Variants in KSR1 observed in about 807,000 individuals in gnomAD.
The protein encoded by KSR1 is kinase suppressor of ras 1, also known as kinase suppressor of ras.
Under a neutral mutation model 92.9 loss-of-function variants are expected in KSR1, and 35 were observed. The ratio of observed to expected loss-of-function variants is 0.38; its 90% confidence interval spans 0.29 to 0.50. The LOEUF (loss-of-function observed/expected upper bound fraction) is 0.50, where lower values mean the gene tolerates loss of function less well. Among genes scored for constraint, KSR1 ranks in the 20% least tolerant of loss-of-function variants. KSR1 has a pLI of 0.94. For missense variants in KSR1, 972 were observed against 1,158.5 expected (o/e 0.84, Z 2.34); for synonymous variants, 467 against 472.6 (o/e 0.99, Z 0.15).
intron 1 of KSR1, among the ~76,000 whole-genome samples, chr17:27,527,786 C>T (rs1047653863): frequency 5.9e-5 from 9 of 152,230 alleles, no homozygotes; most frequent in African/African-American, 7.2e-5. Context: ...TCCTGGTCAG[C>T]AGTATCTTTA....
chr17:27,596,739 C>G (rs1008186704), intron 9 of KSR1, among the ~76,000 whole-genome samples: 6 of 152,212 alleles, frequency 3.9e-5, no homozygotes, highest in African/African-American at 7.2e-5. Context: ...CATTGGTCTC[C>G]CTACTTCTGG....
chr17:27,541,989 C>T (rs1224650730), intron 1 of KSR1, among the ~76,000 whole-genome samples: 2 of 152,200 alleles, frequency 1.3e-5, no homozygotes, highest in African/African-American at 4.8e-5. Flanking sequence ...ATGTTGAATA[C>T]ACAGTACATC....
intron 1 of KSR1, among the ~76,000 whole-genome samples, chr17:27,528,041 T>C (rs766724471): frequency 2.0e-5 from 3 of 152,148 alleles, no homozygotes; most frequent in Non-Finnish European, 4.4e-5. Flanking sequence ...CGAGTAGGTA[T>C]TCTGTGTAAG....
At position 27,459,692 on chromosome 17, in the gene KSR1, C is replaced by G. The variant is rs1424272963; in HGVS notation, c.231+2818C>G. Among the ~76,000 whole-genome samples the G allele has an allele frequency of 2.0e-5, 3 of 152,212 alleles. No individual in the cohort carries two copies. The East Asian group carries it at 5.8e-4, about 29-fold the overall frequency. On this transcript the variant is annotated intron_variant, in intron 1 of 20. Transcript: ENST00000644974. This position sits in a 1 kb window ranked among gnomAD's most constrained non-coding sequence, Gnocchi z 4.6. ...CAACTGCATCGGACTTATCTAGAAT[C>G]TGAGGAGCCCCAGCTCACTCTGGCC...
intron 13 of KSR1, among the ~76,000 whole-genome samples, chr17:27,605,181 G>C (rs551864240): frequency 6.6e-6 from 1 of 152,240 alleles, no homozygotes; most frequent in African/African-American, 2.4e-5. Context: ...TCACAGGTAG[G>C]TATTGGAGTA....
intron 5 of KSR1, among the ~76,000 whole-genome samples, chr17:27,586,436 T>A (rs773219938): frequency 2.6e-5 from 4 of 152,206 alleles, no homozygotes; most frequent in Non-Finnish European, 5.9e-5. Context: ...GGGCGGGGTC[T>A]TGGGGATGAG....
chr17:27,558,392 A>G (rs2071691669), intron 2 of KSR1, among the ~76,000 whole-genome samples: 1 of 151,810 alleles, frequency 6.6e-6, no homozygotes, highest in Non-Finnish European at 1.5e-5. Flanking sequence ...ACAGTAGAGT[A>G]GTAAGAGATA....
chr17:27,526,096 C>CTT (rs745956787), intron 1 of KSR1, among the ~76,000 whole-genome samples: 1,648 of 112,514 alleles, frequency 0.015, 65 homozygotes, highest in African/African-American at 0.056. Flanking sequence ...TTCTTTCTTT[C>CTT]TCTCTCTCTC....
At chr17:27,504,408 A>G (rs2069301256) in intron 1 of KSR1, among the ~76,000 whole-genome samples, 1 of 151,988 alleles carries the variant, frequency 6.6e-6, no homozygotes, top group Non-Finnish European at 1.5e-5. Context: ...TTGTTGAGTG[A>G]GTTGGGATAT....
At position 27,624,308 on chromosome 17, in the gene KSR1, A is replaced by C. The variant is rs1490425620; in HGVS notation, c.*916A>C. On this transcript the variant is annotated 3_prime_UTR_variant, in exon 21 of 21. Coordinates refer to ENST00000644974, the MANE Select transcript of KSR1 (RefSeq NM_001394583.1). ...AAGTACCTGAGCCCACTTCCCAGCC[A>C]CAGGGTGACCCTGGCACTGTAAAAA... 6.6e-6 allele frequency: 1 copy of C among 152,324 alleles called. No individual in the cohort carries two copies. The highest frequency in any genetic ancestry group is 1.5e-5 in the Non-Finnish European group (1 of 68,134). 9.4% of individuals were successfully genotyped at this position (152,324 alleles called of 1,614,324 possible).
intron 9 of KSR1, among the ~76,000 whole-genome samples, chr17:27,595,468 A>G (rs1423491220): frequency 3.9e-5 from 6 of 152,254 alleles, no homozygotes; most frequent in Admixed American, 1.3e-4. Flanking sequence ...GGTTGAGGAA[A>G]TGGAAGCTCA....
At chr17:27,483,269 C>T (rs1234015280) in intron 1 of KSR1, among the ~76,000 whole-genome samples, 1 of 152,180 alleles carries the variant, frequency 6.6e-6, no homozygotes, top group Non-Finnish European at 1.5e-5. Context: ...CACGTTAGAG[C>T]CTATCAGCTC....
intron 1 of KSR1, among the ~76,000 whole-genome samples, chr17:27,515,932 A>G (rs1158153829): frequency 3.3e-5 from 5 of 152,110 alleles, no homozygotes; most frequent in Non-Finnish European, 7.4e-5. Flanking sequence ...GGAGTTTGAA[A>G]TCTTCTCCAG....
chr17:27,580,990 C>T (rs2151164076), intron 3 of KSR1, among the ~76,000 whole-genome samples: 1 of 152,216 alleles, frequency 6.6e-6, no homozygotes, highest in Admixed American at 6.5e-5. Flanking sequence ...TGGTCTCGAA[C>T]TCCTGACCTG....
chr17:27,524,817 C>T (rs377205813), intron 1 of KSR1, among the ~76,000 whole-genome samples: 17 of 152,130 alleles, frequency 1.1e-4, no homozygotes, highest in Admixed American at 3.9e-4. Flanking sequence ...GCAGGCAGAG[C>T]GGCAGGAAAA....
rs2019332314 is a variant in KSR1, at chr17:27,459,439, A to G, written c.231+2565A>G. 6.6e-6 allele frequency among the ~76,000 whole-genome samples: 1 copy of G among 152,232 alleles called. No individual in the cohort carries two copies. Among genetic ancestry groups the G allele is most frequent in the Non-Finnish European group, 1.5e-5 (1 of 68,038 alleles). ...TACTTCTGCAGCTGCCTCTCATTTCATACAGGTGGGTGACACAAGCCAGGA... is the reference window on the plus strand; with the variant it reads ...TACTTCTGCAGCTGCCTCTCATTTCGTACAGGTGGGTGACACAAGCCAGGA... On this transcript the variant is annotated intron_variant, in intron 1 of 20. Transcript: ENST00000644974. This position sits in a 1 kb window ranked among gnomAD's most constrained non-coding sequence, Gnocchi z 4.6.
Position 27,623,594 on chromosome 17 carries a change from A to G in KSR1, c.*202A>G. 1 of 631,630 alleles carries G rather than the reference A, an allele frequency of 1.6e-6. No individual in the cohort carries two copies. The highest frequency in any genetic ancestry group is 1.8e-5 in the South Asian group (1 of 55,494). The allele number at this position is 631,630 out of a possible 1,614,324, so 39.1% of individuals were successfully genotyped here. ...TATTTCTTAAAATGACACCACCAAC[A>G]ACCAAACCTGTCATGACAGACAGCA... On this transcript the variant is annotated 3_prime_UTR_variant, in exon 21 of 21. Transcript: ENST00000644974.
At chr17:27,530,913 A>G (rs913339760) in intron 1 of KSR1, among the ~76,000 whole-genome samples, 4 of 152,298 alleles carry the variant, frequency 2.6e-5, no homozygotes, top group Middle Eastern at 3.4e-3. Context: ...AAAACTTCCT[A>G]TGTTTTTGTA....
intron 9 of KSR1, among the ~76,000 whole-genome samples, chr17:27,593,128 T>G (rs1453814864): frequency 2.0e-5 from 3 of 152,218 alleles, no homozygotes; most frequent in African/African-American, 7.2e-5. Flanking sequence ...CTCACAAGAA[T>G]GCACCCAAAA....
Sources: gnomAD v4.1 joint callset for allele counts (sites outside exome capture counted in the v4.1 genomes callset) on GRCh38, gnomAD v4.1.1 for gene constraint, Gnocchi (gnomAD v3.1) non-coding constraint, MANE v1.5 for transcripts, NCBI Gene and HGNC (gene_info 2026-07-23, HGNC 2026-07-21) for gene names.